The following ATP10B variants were observed in gnomAD, a reference collection of about 807,000 sequenced individuals.
The protein encoded by ATP10B is phospholipid-transporting ATPase VB.
Under a neutral mutation model 141.2 loss-of-function variants are expected in ATP10B, and 122 were observed. The observed-to-expected ratio is 0.86, with a 90% confidence interval of 0.75 to 1.00. ATP10B has a LOEUF of 1.00. Among genes scored for constraint, ATP10B ranks in the 50% least tolerant of loss-of-function variants. The probability of loss-of-function intolerance (pLI) is 0.00; values close to 1 mark genes in which losing one functional copy is unlikely to be tolerated. For synonymous variants in ATP10B, 685 were observed against 692.0 expected, an observed-to-expected ratio of 0.99 and a Z score of 0.16; for missense variants, 1,876 against 1,825.3, an observed-to-expected ratio of 1.03 and a Z score of -0.51.
intron 8 of ATP10B, among the ~76,000 whole-genome samples, chr5:160,646,511 A>T (rs1271741636): frequency 1.3e-5 from 2 of 152,234 alleles, no homozygotes; most frequent in Admixed American, 1.3e-4. Context: ...AAGTAAGGTA[A>T]TTAAAAATCT....
intron 2 of ATP10B, among the ~76,000 whole-genome samples, chr5:160,722,423 T>A (rs17058167): frequency 0.027 from 4,043 of 152,328 alleles, 79 homozygotes; most frequent in East Asian, 0.084. Flanking sequence ...CCCACTGGGT[T>A]GTTTTAGCAC....
At chr5:160,612,669 C>T (rs6892278) in intron 18 of ATP10B, 72 bp downstream of exon 18, 2 of 1,389,964 alleles carry the variant, frequency 1.4e-6, no homozygotes, top group African/African-American at 2.9e-5. Flanking sequence ...ACCTAGAAGC[C>T]TGTGTCCTCT....
the ATP10B span, among the ~76,000 whole-genome samples, chr5:160,882,016 G>GTT: frequency 6.6e-6 from 1 of 152,068 alleles, no homozygotes; most frequent in South Asian, 2.1e-4. Flanking sequence ...CCAATCTAAA[G>GTT]AGGCTACAAA....
chr5:160,629,531 C>T (rs932873913), intron 13 of ATP10B, among the ~76,000 whole-genome samples: 1 of 152,160 alleles, frequency 6.6e-6, no homozygotes, highest in African/African-American at 2.4e-5. Context: ...ACCAGGATCT[C>T]AGGGGAGAGA....
At position 160,688,955 on chromosome 5, in the gene ATP10B, T is replaced by C. The variant is rs1317116536; in HGVS notation, c.-204-12A>G. ...CCATTTGGTGGTTTCTGAAACCAAGTACTTGATTAAGCAGATGGTCTGCCC... is the reference window on the plus strand; with the variant it reads ...CCATTTGGTGGTTTCTGAAACCAAGCACTTGATTAAGCAGATGGTCTGCCC... On this transcript the variant is annotated splice_polypyrimidine_tract_variant and intron_variant, in intron 3 of 25. Coordinates refer to ENST00000327245, the MANE Select transcript of ATP10B (RefSeq NM_025153.3). 1.0e-6 allele frequency: 1 copy of C among 985,228 alleles called. No individual in the cohort carries two copies. The highest frequency in any genetic ancestry group is 1.2e-6 in the Non-Finnish European group (1 of 829,836). 61.0% of individuals were successfully genotyped at this position (985,228 alleles called of 1,614,324 possible).
At chr5:160,788,116 C>T (rs1771301843) in intron 1 of ATP10B, among the ~76,000 whole-genome samples, 1 of 152,168 alleles carries the variant, frequency 6.6e-6, no homozygotes, top group African/African-American at 2.4e-5. Context: ...TCCTACTCTC[C>T]AGTGAGATGA....
chr5:160,620,434 C>T lies in ATP10B; in HGVS notation c.2329G>A (p.Val777Met), dbSNP rs377570892. 12 of 1,614,096 alleles carry T rather than the reference C, an allele frequency of 7.4e-6. No homozygotes were observed. The highest frequency in any genetic ancestry group is 1.0e-5 in the Non-Finnish European group (12 of 1,180,042). Residue 777 changes from valine to methionine, a missense_variant, in exon 15 of 26, where the codon GTG becomes ATG. Physicochemically the swap from Val to Met is conservative, Grantham distance 21. Transcript: ENST00000327245. ...DSVRKRMSVV[V>M]RHPLTGEIVV... ...ATCTCGCCAGTCAGTGGGTGCCTCA[C>T]AACCACAGACATTCTCTTCCTGACA...
chr5:160,623,810 G>T (rs1401356494), intron 13 of ATP10B, among the ~76,000 whole-genome samples: 1 of 152,114 alleles, frequency 6.6e-6, no homozygotes, highest in Non-Finnish European at 1.5e-5. Context: ...GTGGTGTCTG[G>T]TTTTGTCTAT....
At chr5:160,893,569 C>A in the ATP10B span, among the ~76,000 whole-genome samples, 162 of 152,262 alleles carry the variant, frequency 1.1e-3, 1 homozygote, top group Middle Eastern at 6.8e-3. Context: ...AGATAAAACT[C>A]TCTCCCTGGG....
At chr5:160,662,155 C>G (rs943202048) in intron 7 of ATP10B, among the ~76,000 whole-genome samples, 7 of 152,080 alleles carry the variant, frequency 4.6e-5, no homozygotes, top group African/African-American at 1.4e-4. Flanking sequence ...AGGATACAAA[C>G]AAATGGAAGA....
chr5:160,868,997 C>T, the ATP10B span, among the ~76,000 whole-genome samples: 1 of 152,100 alleles, frequency 6.6e-6, no homozygotes, highest in South Asian at 2.1e-4. Context: ...TTGGAGAGAC[C>T]TGGTTCTAAT....
At chr5:160,618,241 G>A (rs1758137516) in intron 15 of ATP10B, among the ~76,000 whole-genome samples, 1 of 152,202 alleles carries the variant, frequency 6.6e-6, no homozygotes, top group African/African-American at 2.4e-5. Flanking sequence ...GGTGGTCTAA[G>A]GTACTGTTCC....
Position 160,653,432 on chromosome 5 carries a change from G to A in ATP10B, c.676-4176C>T, listed in dbSNP as rs1218563455. ...ATACATAGGTAGTATATATACATAT[G>A]TACATACATACATAGGTAGTATATA... On this transcript the variant is annotated intron_variant, in intron 7 of 25. Transcript: ENST00000327245. 9.3e-4 allele frequency among the ~76,000 whole-genome samples: 35 copies of A among 37,458 alleles called. 14 individuals are homozygous for A. Among genetic ancestry groups the A allele is most frequent in the African/African-American group, 2.3e-3 (22 of 9,724 alleles). 24.6% of individuals were successfully genotyped at this position (37,458 alleles called of 152,430 possible). A position where few individuals can be genotyped will look rare whatever the true frequency, so the allele number is the denominator to read the frequency against.
intron 7 of ATP10B, among the ~76,000 whole-genome samples, chr5:160,653,307 CATACATAGGTAGT>C (rs1293338178): frequency 7.9e-6 from 1 of 126,082 alleles, no homozygotes; most frequent in African/African-American, 3.0e-5. Flanking sequence ...TACGTACATA[CATACATAGGTAGT>C]ATATATACAT....
intron 2 of ATP10B, among the ~76,000 whole-genome samples, chr5:160,733,463 A>G (rs1766875903): frequency 6.6e-6 from 1 of 152,152 alleles, no homozygotes; most frequent in Non-Finnish European, 1.5e-5. Context: ...TGTTCAATAA[A>G]TCACAAGCAG....
At chr5:160,864,208 C>T in the ATP10B span, among the ~76,000 whole-genome samples, 2 of 151,878 alleles carry the variant, frequency 1.3e-5, no homozygotes, top group Non-Finnish European at 2.9e-5. Flanking sequence ...ACTAGCTAAC[C>T]AAATCCAACA....
chr5:160,649,371 G>T, intron 7 of ATP10B, 115 bp from the exon 8 acceptor site: 6 of 730,152 alleles, frequency 8.2e-6, no homozygotes, highest in African/African-American at 1.8e-5. Context: ...TCCATGCTTT[G>T]TCACACTTTG....
chr5:160,599,069 C>T, intron 21 of ATP10B, 99 bp from the exon 22 acceptor site: 1 of 1,053,100 alleles, frequency 9.5e-7, no homozygotes, highest in Non-Finnish European at 1.4e-6. Context: ...TGGCAGTTGC[C>T]TCATTTATAA....
At chr5:160,893,443 G>A in the ATP10B span, among the ~76,000 whole-genome samples, 1 of 152,146 alleles carries the variant, frequency 6.6e-6, no homozygotes, top group Non-Finnish European at 1.5e-5. Context: ...AGTTTGAACT[G>A]GGGAGAACCC....
Sources: gnomAD v4.1 joint callset for allele counts (sites outside exome capture counted in the v4.1 genomes callset) on GRCh38, gnomAD v4.1.1 for gene constraint, MANE v1.5 for transcripts, NCBI Gene and HGNC (gene_info 2026-07-23, HGNC 2026-07-21) for gene names.